RCAN2: variants seen among roughly 807,000 people sequenced by gnomAD.
RCAN2 encodes the protein calcipressin-2.
A neutral mutation model predicts 23.6 loss-of-function variants in RCAN2; 9 were observed. The observed-to-expected ratio is 0.38, with a 90% CI of 0.23 to 0.67. RCAN2 has a LOEUF of 0.67. Among genes scored for constraint, RCAN2 ranks in the 30% least tolerant of loss-of-function variants. RCAN2 has a pLI of 0.51. For missense variants in RCAN2, 273 were observed against 302.3 expected (o/e 0.90, Z 0.72); for synonymous variants, 109 against 115.7 (o/e 0.94, Z 0.37).
At chr6:46,348,271 G>A (rs185586767) in intron 2 of RCAN2, among the ~76,000 whole-genome samples, 8 of 152,198 alleles carry the variant, frequency 5.3e-5, no homozygotes, top group Admixed American at 3.9e-4. Flanking sequence ...ACATTCAAGG[G>A]CAGTATTAGC....
In RCAN2 at chr6:46,324,845, G is replaced by A. The variant is rs548652739; in HGVS notation, c.226-75949C>T. On this transcript the variant is annotated intron_variant, in intron 2 of 4. Coordinates refer to ENST00000371374, the MANE Select transcript of RCAN2 (RefSeq NM_001251974.2). ...GGAAAATGACTTGCTTTCTTTGCCT[G>A]ACAAAGAAAATTTAGGCAGCTGTTC... 2.6e-5 allele frequency among the ~76,000 whole-genome samples: 4 copies of A among 152,316 alleles called. No individual in the cohort carries two copies. The East Asian group carries it at 7.7e-4, about 29-fold the overall frequency.
At chr6:46,231,444 C>T (rs576366279) in intron 4 of RCAN2, among the ~76,000 whole-genome samples, 67 of 149,792 alleles carry the variant, frequency 4.5e-4, no homozygotes, top group African/African-American at 1.5e-3. Flanking sequence ...GAGTCCTGCT[C>T]TGCTGCCCAG....
intron 2 of RCAN2, among the ~76,000 whole-genome samples, chr6:46,367,632 A>G (rs143340282): frequency 1.2e-4 from 19 of 152,190 alleles, no homozygotes; most frequent in Admixed American, 2.0e-4. Flanking sequence ...TATCAAGGGT[A>G]ATGGATGATG....
chr6:46,335,241 A>G lies in RCAN2; in HGVS notation c.226-86345T>C, dbSNP rs142392285. Among the ~76,000 whole-genome samples the G allele has an allele frequency of 5.3e-3, 805 of 152,312 alleles. 10 individuals are homozygous for G. Among genetic ancestry groups the G allele is most frequent in the African/African-American group, 0.018 (768 of 41,574 alleles). The stretch of plus-strand genomic sequence containing the variant: ...AATTAGAAACAGAAAGAAAAAGTGG[A>G]GAAAGGACATCAAATTCTGGAAGCA... On this transcript the variant is annotated intron_variant, in intron 2 of 4. Transcript: ENST00000371374.
intron 2 of RCAN2, among the ~76,000 whole-genome samples, chr6:46,414,873 C>T (rs771634856): frequency 6.6e-6 from 1 of 152,040 alleles, no homozygotes; most frequent in Non-Finnish European, 1.5e-5. Flanking sequence ...ATACAATTTC[C>T]CATATTTTAA....
intron 2 of RCAN2, among the ~76,000 whole-genome samples, chr6:46,456,090 T>C (rs1275560029): frequency 6.6e-6 from 1 of 152,126 alleles, no homozygotes; most frequent in African/African-American, 2.4e-5. Flanking sequence ...GCCAAAAACA[T>C]TTACACTAAG....
intron 2 of RCAN2, among the ~76,000 whole-genome samples, chr6:46,322,501 A>C (rs1763650568): frequency 6.6e-6 from 1 of 152,202 alleles, no homozygotes. Flanking sequence ...TGAGAGCCAC[A>C]CTGGAGGATG....
chr6:46,222,124 A>C lies in RCAN2; in HGVS notation c.*1017T>G, dbSNP rs1765495768. 1 of 396,664 alleles carries C rather than the reference A, an allele frequency of 2.5e-6. No homozygotes were observed. Among genetic ancestry groups the C allele is most frequent in the Admixed American group, 4.4e-5 (1 of 22,668 alleles). The allele number at this position is 396,664 out of a possible 1,614,324, so 24.6% of individuals were successfully genotyped here. A position where few individuals can be genotyped will look rare whatever the true frequency, so the allele number is the denominator to read the frequency against. ...CTAATCATGTATATATTGGCATTAG[A>C]TGTTTTGTGTCCTTTCAAAATTCAG... On this transcript the variant is annotated 3_prime_UTR_variant, in exon 5 of 5. Transcript: ENST00000371374.
chr6:46,269,001 AAAACTT>A (rs1250482196), intron 2 of RCAN2, among the ~76,000 whole-genome samples: 1 of 152,206 alleles, frequency 6.6e-6, no homozygotes, highest in East Asian at 1.9e-4. Flanking sequence ...TATTACCTGC[AAAACTT>A]AAACTACTTA....
chr6:46,332,295 A>C (rs1582113176), intron 2 of RCAN2, among the ~76,000 whole-genome samples: 1 of 152,146 alleles, frequency 6.6e-6, no homozygotes, highest in African/African-American at 2.4e-5. Flanking sequence ...TCATTTTAAA[A>C]ATTCTTTTTT....
chr6:46,387,468 A>G (rs1229630615), intron 2 of RCAN2, among the ~76,000 whole-genome samples: 1 of 152,218 alleles, frequency 6.6e-6, no homozygotes, highest in African/African-American at 2.4e-5. Context: ...TTCTCAAAAG[A>G]TGACATTTAT....
At chr6:46,391,544 G>GT (rs918050746) in intron 2 of RCAN2, among the ~76,000 whole-genome samples, 9 of 152,124 alleles carry the variant, frequency 5.9e-5, no homozygotes, top group African/African-American at 2.2e-4. Context: ...ACTGCCATTT[G>GT]TTTTCTCCTT....
intron 4 of RCAN2, among the ~76,000 whole-genome samples, chr6:46,230,620 T>C (rs1424086396): frequency 1.3e-5 from 2 of 152,110 alleles, no homozygotes; most frequent in African/African-American, 4.8e-5. Flanking sequence ...GCTAAGACCA[T>C]TGGAAAAGCA....
At chr6:46,321,241 GT>G (rs1763604340) in intron 2 of RCAN2, among the ~76,000 whole-genome samples, 1 of 152,072 alleles carries the variant, frequency 6.6e-6, no homozygotes, top group Admixed American at 6.5e-5. Context: ...CTTCATTTTT[GT>G]TCATAGCCCT....
intron 2 of RCAN2, among the ~76,000 whole-genome samples, chr6:46,265,652 C>T (rs1039783312): frequency 6.6e-6 from 1 of 152,164 alleles, no homozygotes; most frequent in Admixed American, 6.5e-5. Flanking sequence ...AGAGACGTGA[C>T]AGTCCTCTTG....
chr6:46,372,293 A>G (rs1216083206), intron 2 of RCAN2, among the ~76,000 whole-genome samples: 1 of 152,244 alleles, frequency 6.6e-6, no homozygotes, highest in Non-Finnish European at 1.5e-5. Context: ...TGTGTTACAC[A>G]TTGAAATGCA....
intron 2 of RCAN2, among the ~76,000 whole-genome samples, chr6:46,308,241 G>A (rs1763130265): frequency 6.6e-6 from 1 of 152,126 alleles, no homozygotes; most frequent in Non-Finnish European, 1.5e-5. Context: ...AGATTCCAAG[G>A]GATGATATAG....
At chr6:46,284,877 A>G (rs1269949182) in intron 2 of RCAN2, among the ~76,000 whole-genome samples, 1 of 152,240 alleles carries the variant, frequency 6.6e-6, no homozygotes, top group African/African-American at 2.4e-5. Flanking sequence ...AAAGTATTAA[A>G]TACTCAACTG....
intron 2 of RCAN2, among the ~76,000 whole-genome samples, chr6:46,396,424 A>G (rs1248311356): frequency 6.6e-6 from 1 of 152,210 alleles, no homozygotes; most frequent in African/African-American, 2.4e-5. Flanking sequence ...TAGAGGAACC[A>G]TTAAAGAGGG....
Sources: allele counts gnomAD v4.1 joint callset (sites outside exome capture counted in the v4.1 genomes callset), GRCh38; gene constraint gnomAD v4.1.1; transcripts MANE v1.5; gene names NCBI Gene and HGNC (gene_info 2026-07-23, HGNC 2026-07-21).